Variants in IL1RN observed in about 807,000 individuals in gnomAD.
IL1RN encodes the protein interleukin-1 receptor antagonist protein.
In IL1RN, 10 loss-of-function variants were observed where a neutral mutation model predicts 13.7. That is an observed-to-expected ratio of 0.73 (90% CI 0.45 to 1.24). IL1RN has a LOEUF of 1.24. Ranked by LOEUF, IL1RN falls within the 50% of genes most tolerant of loss-of-function variation. IL1RN has a pLI of 0.00. For missense variants in IL1RN, 213 were observed against 222.1 expected (o/e 0.96, Z 0.26); for synonymous variants, 102 against 82.7 (o/e 1.23, Z -1.27).
rs199592921 is a variant in IL1RN, at chr2:113,121,057, T to TTCC, written c.73+947_73+949dup. ...CTTCTTCTTCTTCCTCTTCTTCTTC[T>TTCC]TCCTCCTCCTCCTCCTCCTCTTCTT... On this transcript the variant is annotated intron_variant, in intron 2 of 5. Coordinates refer to the IL1RN transcript ENST00000259206. Among the ~76,000 whole-genome samples the TTCC allele has an allele frequency of 3.0e-3, 374 of 123,624 alleles. 1 individual carries two copies. The highest frequency in any genetic ancestry group is 0.023 in the Middle Eastern group (5 of 222). 81.1% of individuals were successfully genotyped at this position (123,624 alleles called of 152,430 possible). A position where few individuals can be genotyped will look rare whatever the true frequency, so the allele number is the denominator to read the frequency against.
At chr2:113,099,387 G>A in the IL1RN span, among the ~76,000 whole-genome samples, 2 of 152,216 alleles carry the variant, frequency 1.3e-5, no homozygotes, top group Non-Finnish European at 2.9e-5. Context: ...CAGCCCTAAA[G>A]GCCGGTTTCA....
chr2:113,106,739 A>G (rs749674053), upstream of IL1RN, among the ~76,000 whole-genome samples: 1 of 152,192 alleles, frequency 6.6e-6, no homozygotes, highest in Non-Finnish European at 1.5e-5. Context: ...TGGGAACCTC[A>G]GAGTCTAAAA....
chr2:113,107,569 C>CAAAA (rs33981313), upstream of IL1RN, among the ~76,000 whole-genome samples: 803 of 143,168 alleles, frequency 5.6e-3, 16 homozygotes, highest in African/African-American at 0.02. Context: ...ACTAAAAATA[C>CAAAA]AAAAAAAAAA....
rs1192312765 is a variant in IL1RN, at chr2:113,133,055, A to G, written c.*184A>G. 1 of 671,032 alleles carries G rather than the reference A, an allele frequency of 1.5e-6. No homozygotes were observed. Among genetic ancestry groups the G allele is most frequent in the African/African-American group, 1.8e-5 (1 of 56,322 alleles). The allele number at this position is 671,032 out of a possible 1,614,324, so 41.6% of individuals were successfully genotyped here. A position where few individuals can be genotyped will look rare whatever the true frequency, so the allele number is the denominator to read the frequency against. On this transcript the variant is annotated 3_prime_UTR_variant, in exon 4 of 4. Transcript: ENST00000409930. ...CCTCCTCTTCAACTGACCAGCCTCC[A>G]TGCTGCCTCCAGAATGGTCTTTCTA...
chr2:113,132,931 C>A lies in IL1RN; in HGVS notation c.*60C>A. ...GGCAAGGACTGCAGGGACTGCCAGT[C>A]CCCCTGCCCCAGGGCTCCCGGCTAT... On this transcript the variant is annotated 3_prime_UTR_variant, in exon 4 of 4. Coordinates refer to ENST00000409930, the MANE Select transcript of IL1RN (RefSeq NM_173842.3). 1 of 1,541,142 alleles carries A rather than the reference C, an allele frequency of 6.5e-7. No homozygotes were observed. Among genetic ancestry groups the A allele is most frequent in the Non-Finnish European group, 9.0e-7 (1 of 1,114,252 alleles).
At chr2:113,112,987 T>C (rs1686526307), upstream of IL1RN, 1 of 152,220 alleles carries the variant, frequency 6.6e-6, no homozygotes, top group Non-Finnish European at 1.5e-5. Context: ...CTCTACCACC[T>C]TGTCTTTTGC....
At chr2:113,109,885 C>A (rs1686465503), upstream of IL1RN, among the ~76,000 whole-genome samples, 1 of 152,096 alleles carries the variant, frequency 6.6e-6, no homozygotes, top group South Asian at 2.1e-4. Flanking sequence ...AAGGTGCTGT[C>A]TTCATCCCCA....
chr2:113,119,046 AT>A (rs1303853175), intron 1 of IL1RN, among the ~76,000 whole-genome samples: 2 of 152,166 alleles, frequency 1.3e-5, no homozygotes, highest in Non-Finnish European at 2.9e-5. Flanking sequence ...CTAAAAAAAA[AT>A]ATGTAAAGAT....
At chr2:113,128,538 G>A (rs1687047405) in intron 1 of IL1RN, among the ~76,000 whole-genome samples, 1 of 151,982 alleles carries the variant, frequency 6.6e-6, no homozygotes, top group Admixed American at 6.6e-5. Flanking sequence ...GCTTCCCTAG[G>A]TTGCCTCTCC....
At chr2:113,115,997 G>A (rs1257192511), upstream of IL1RN, among the ~76,000 whole-genome samples, 3 of 152,132 alleles carry the variant, frequency 2.0e-5, no homozygotes, top group Non-Finnish European at 1.5e-5. Flanking sequence ...GATAGTAATG[G>A]CTAATACTTA....
At chr2:113,109,189 G>A (rs749310082), upstream of IL1RN, among the ~76,000 whole-genome samples, 3 of 152,062 alleles carry the variant, frequency 2.0e-5, no homozygotes, top group Admixed American at 6.6e-5. Flanking sequence ...AAGATGGGTG[G>A]ATCACCTGAG....
upstream of IL1RN, chr2:113,115,586 A>C (rs567840876): frequency 2.6e-5 from 4 of 152,062 alleles, no homozygotes; most frequent in South Asian, 8.3e-4. Flanking sequence ...AAGCCCCTTC[A>C]CCATGATCAA....
upstream of IL1RN, among the ~76,000 whole-genome samples, chr2:113,117,295 A>T (rs1455230894): frequency 1.3e-5 from 2 of 152,168 alleles, no homozygotes; most frequent in Admixed American, 6.5e-5. Flanking sequence ...TAGTGCTCAA[A>T]CAAGGCCTTT....
chr2:113,110,871 G>A (rs1686483613), upstream of IL1RN, among the ~76,000 whole-genome samples: 4 of 152,182 alleles, frequency 2.6e-5, no homozygotes, highest in Admixed American at 2.6e-4. Context: ...TGTCATCAGA[G>A]CCATACTAAA....
At chr2:113,116,913 A>G (rs1195187283), upstream of IL1RN, among the ~76,000 whole-genome samples, 1 of 152,214 alleles carries the variant, frequency 6.6e-6, no homozygotes, top group African/African-American at 2.4e-5. Context: ...GCAGCTGTCA[A>G]AATGAGGTCT....
At chr2:113,117,705 T>G (rs1387146290), upstream of IL1RN, 10 of 534,072 alleles carry the variant, frequency 1.9e-5, no homozygotes, top group East Asian at 3.0e-4. Flanking sequence ...GCATGTGACC[T>G]CCCATCTTAC....
At chr2:113,102,057 G>A in the IL1RN span, among the ~76,000 whole-genome samples, 18,103 of 152,160 alleles carry the variant, frequency 0.12, 1,283 homozygotes, top group East Asian at 0.28. Context: ...GTGAGCCACC[G>A]TGCCCCGCCC....
chr2:113,107,037 G>A (rs1489896250), upstream of IL1RN, among the ~76,000 whole-genome samples: 2 of 152,182 alleles, frequency 1.3e-5, no homozygotes, highest in Non-Finnish European at 2.9e-5. Flanking sequence ...AATGCAAAAT[G>A]ATGAAATAGG....
intron 2 of IL1RN, 99 bp downstream of exon 2, chr2:113,129,763 T>C (rs1181376684): frequency 3.7e-6 from 3 of 817,204 alleles, no homozygotes; most frequent in Admixed American, 1.7e-5. Context: ...CTAGGTGCAA[T>C]GTCCTAATCC....
Sources: allele counts gnomAD v4.1 joint callset (sites outside exome capture counted in the v4.1 genomes callset), GRCh38; gene constraint gnomAD v4.1.1; transcripts MANE v1.5; gene names NCBI Gene and HGNC (gene_info 2026-07-23, HGNC 2026-07-21).